Variants in PRSS23 observed in about 807,000 individuals in gnomAD.
PRSS23 encodes protease, serine 23.
Under a neutral mutation model 34.7 loss-of-function variants are expected in PRSS23, and 25 were observed. The ratio of observed to expected loss-of-function variants is 0.72; its 90% CI spans 0.53 to 1.01. The LOEUF is 1.01. Ranked by LOEUF, PRSS23 falls within the 50% of genes least tolerant of loss-of-function variation. PRSS23 has a pLI of 0.00. For missense variants in PRSS23, 445 were observed against 475.6 expected, an observed-to-expected ratio of 0.94 and a Z score of 0.60; for synonymous variants, 176 against 186.6, an observed-to-expected ratio of 0.94 and a Z score of 0.46.
At chr11:86,821,734 T>C (rs763173987) in intron 1 of PRSS23, 17 of 1,377,976 alleles carry the variant, frequency 1.2e-5, no homozygotes, top group South Asian at 2.6e-5. Flanking sequence ...GTCTATTTCT[T>C]CAAAGTGTTC....
intron 2 of PRSS23, among the ~76,000 whole-genome samples, chr11:86,907,310 T>C (rs771897534): frequency 9.9e-5 from 15 of 152,204 alleles, no homozygotes; most frequent in Non-Finnish European, 1.9e-4. Context: ...ACATTCTAAG[T>C]GTATGATAAA....
At chr11:86,906,531 C>T (rs534115438) in intron 2 of PRSS23, among the ~76,000 whole-genome samples, 40 of 152,318 alleles carry the variant, frequency 2.6e-4, no homozygotes, top group Middle Eastern at 3.4e-3. Flanking sequence ...CGCAGTGCCT[C>T]GCCAACTCCG....
At chr11:86,867,517 C>T (rs1225244049) in intron 2 of PRSS23, among the ~76,000 whole-genome samples, 1 of 152,206 alleles carries the variant, frequency 6.6e-6, no homozygotes, top group East Asian at 1.9e-4. Context: ...CTTTACTCTT[C>T]TCCCAACTTT....
intron 2 of PRSS23, among the ~76,000 whole-genome samples, chr11:86,931,609 G>A (rs1347809938): frequency 6.6e-6 from 1 of 152,154 alleles, no homozygotes; most frequent in Non-Finnish European, 1.5e-5. Flanking sequence ...AAAAATGAAG[G>A]ATTATTCTGG....
exon 3 of PRSS23, chr11:86,952,562 G>T: frequency 7.2e-7 from 1 of 1,396,338 alleles, no homozygotes; most frequent in East Asian, 2.3e-5. Context: ...AATGCTTCCA[G>T]GCAATCTAGG....
chr11:86,861,062 C>A (rs561205308), intron 2 of PRSS23, among the ~76,000 whole-genome samples: 2 of 151,408 alleles, frequency 1.3e-5, no homozygotes, highest in Non-Finnish European at 2.9e-5. Flanking sequence ...TCACATTGTT[C>A]GTAATGTTTA....
intron 2 of PRSS23, among the ~76,000 whole-genome samples, chr11:86,940,042 C>T (rs1275998274): frequency 6.6e-6 from 1 of 152,124 alleles, no homozygotes; most frequent in East Asian, 1.9e-4. Flanking sequence ...TTTGAATCGG[C>T]TACTCTAAGA....
chr11:86,922,318 A>G (rs1949052002), intron 2 of PRSS23, among the ~76,000 whole-genome samples: 1 of 152,110 alleles, frequency 6.6e-6, no homozygotes, highest in African/African-American at 2.4e-5. Flanking sequence ...ACCACTCTCA[A>G]CTTTTATTTC....
At chr11:86,833,928 AG>A (rs1244163957) in intron 2 of PRSS23, among the ~76,000 whole-genome samples, 1 of 152,108 alleles carries the variant, frequency 6.6e-6, no homozygotes, top group Admixed American at 6.5e-5. Flanking sequence ...TTTCCTCGGG[AG>A]GGGTGCCTTC....
chr11:86,872,485 AC>A (rs1166983160), intron 2 of PRSS23, among the ~76,000 whole-genome samples: 1 of 152,034 alleles, frequency 6.6e-6, no homozygotes, highest in East Asian at 1.9e-4. Context: ...CCATTCCTCC[AC>A]CCTCAGGTCA....
At chr11:86,800,405 G>T (rs1948016453), upstream of PRSS23, 3 of 968,646 alleles carry the variant, frequency 3.1e-6, no homozygotes, top group Non-Finnish European at 3.7e-6. Flanking sequence ...AGCGGCGAGG[G>T]GAGGGGGGCA....
upstream of PRSS23, among the ~76,000 whole-genome samples, chr11:86,798,012 C>T (rs1358580529): frequency 3.3e-5 from 5 of 152,110 alleles, no homozygotes; most frequent in African/African-American, 7.2e-5. Flanking sequence ...TTGTGCCTAG[C>T]GCAATGTTTT....
intron 2 of PRSS23, among the ~76,000 whole-genome samples, chr11:86,874,455 G>T (rs1344991272): frequency 1.3e-5 from 2 of 152,232 alleles, no homozygotes; most frequent in African/African-American, 4.8e-5. Flanking sequence ...GGGAGCACTT[G>T]TATTCAGTGT....
chr11:86,829,475 C>G (rs541210310), intron 2 of PRSS23, among the ~76,000 whole-genome samples: 35 of 152,060 alleles, frequency 2.3e-4, no homozygotes, highest in African/African-American at 7.7e-4. Context: ...TTGTCTGAAG[C>G]CTTCTCTCAA....
chr11:86,878,766 C>G (rs1948744175), intron 2 of PRSS23, among the ~76,000 whole-genome samples: 1 of 151,686 alleles, frequency 6.6e-6, no homozygotes, highest in South Asian at 2.1e-4. Flanking sequence ...GCTACCCAGT[C>G]TGGAAAGTGA....
intron 2 of PRSS23, among the ~76,000 whole-genome samples, chr11:86,856,881 C>A: frequency 6.6e-6 from 1 of 152,054 alleles, no homozygotes; most frequent in East Asian, 1.9e-4. Context: ...ACAAAGGATC[C>A]CAGAATACTC....
chr11:86,862,254 A>G (rs1417355277), intron 2 of PRSS23, among the ~76,000 whole-genome samples: 1 of 152,066 alleles, frequency 6.6e-6, no homozygotes, highest in East Asian at 1.9e-4. Flanking sequence ...CTGTGATATT[A>G]TTTGTAATAT....
rs116107472 is a variant in PRSS23, at chr11:86,850,386, C to A, written c.206+26793C>A. 4.4e-3 allele frequency among the ~76,000 whole-genome samples: 676 copies of A among 152,270 alleles called. 10 individuals are homozygous for A. Among genetic ancestry groups the A allele is most frequent in the African/African-American group, 0.016 (656 of 41,554 alleles). ...AGAAGAACCACCACTCAGCTCCCAACAGCAGTTGGGGTGTCCTATTTACAG... is the reference window on the plus strand; with the variant it reads ...AGAAGAACCACCACTCAGCTCCCAAAAGCAGTTGGGGTGTCCTATTTACAG... On this transcript the variant is annotated intron_variant, in intron 2 of 2. Transcript: ENST00000533902.
At chr11:86,881,343 A>G (rs1948771062) in intron 2 of PRSS23, among the ~76,000 whole-genome samples, 1 of 141,638 alleles carries the variant, frequency 7.1e-6, no homozygotes, top group Non-Finnish European at 1.5e-5. Flanking sequence ...TTTTGCATCT[A>G]TTGAGGTGAT....
Sources: gnomAD v4.1 joint callset for allele counts (sites outside exome capture counted in the v4.1 genomes callset) on GRCh38, gnomAD v4.1.1 for gene constraint, MANE v1.5 for transcripts, NCBI Gene and HGNC (gene_info 2026-07-23, HGNC 2026-07-21) for gene names.